The following CCDC148 variants were observed in gnomAD, a reference collection of about 807,000 sequenced individuals.
The protein encoded by CCDC148 is coiled-coil domain containing 148, also known as coiled-coil domain-containing protein 148.
CCDC148 carries 89 observed loss-of-function variants against 85.7 expected under a neutral mutation model. The observed-to-expected ratio is 1.04, with a 90% CI of 0.87 to 1.24. The LOEUF (loss-of-function observed/expected upper bound fraction) is 1.24. Ranked by LOEUF, CCDC148 falls within the 50% of genes most tolerant of loss-of-function variation. The probability of loss-of-function intolerance (pLI) is 0.00; values close to 1 mark genes in which losing one functional copy is unlikely to be tolerated. For missense variants in CCDC148, 692 were observed against 671.7 expected (o/e 1.03, Z -0.33); for synonymous variants, 230 against 213.9 (o/e 1.08, Z -0.66).
chr2:158,240,491 C>CACACACAT (rs1688310889), intron 10 of CCDC148, among the ~76,000 whole-genome samples: 1 of 143,780 alleles, frequency 7.0e-6, no homozygotes, highest in Non-Finnish European at 1.5e-5. Flanking sequence ...CACACACACA[C>CACACACAT]CTCTTTAAAA....
chr2:158,432,965 C>A (rs1687423697), intron 1 of CCDC148, among the ~76,000 whole-genome samples: 1 of 148,234 alleles, frequency 6.7e-6, no homozygotes, highest in African/African-American at 2.5e-5. Context: ...AGGTTGGGTG[C>A]AATGGCTCAC....
At chr2:158,222,470 TTCTC>T (rs369654189) in intron 10 of CCDC148, among the ~76,000 whole-genome samples, 25 of 148,236 alleles carry the variant, frequency 1.7e-4, no homozygotes, top group African/African-American at 4.1e-4. Flanking sequence ...CTCTCTCTCT[TTCTC>T]TCTCTCTCTC....
At chr2:158,225,858 G>T (rs1687486945) in intron 10 of CCDC148, among the ~76,000 whole-genome samples, 1 of 152,164 alleles carries the variant, frequency 6.6e-6, no homozygotes, top group Non-Finnish European at 1.5e-5. Context: ...AAGCAGGAAA[G>T]ATCCAAAATT....
intron 10 of CCDC148, among the ~76,000 whole-genome samples, chr2:158,245,259 A>G (rs1467247555): frequency 2.0e-5 from 3 of 152,170 alleles, no homozygotes; most frequent in Non-Finnish European, 4.4e-5. Flanking sequence ...GGGTATTATG[A>G]GATCCCCTGA....
rs541939111 is a variant in CCDC148, at chr2:158,241,361, G to A, written c.1251+9411C>T. ...TAACTCTTTTTGTTGTGCTTATAAA[G>A]TCTGAAGCTAAAAGATATCCTTCTG... On this transcript the variant is annotated intron_variant, in intron 10 of 13. Transcript: ENST00000283233. Among the ~76,000 whole-genome samples, 4 of 152,108 alleles carry A rather than the reference G, an allele frequency of 2.6e-5. No individual in the cohort carries two copies. In the South Asian group the frequency reaches 8.3e-4, roughly 32 times the overall value.
rs1470409803 is a variant in CCDC148, at chr2:158,171,592, G to C, written c.*521C>G. 1 of 151,832 alleles carries C rather than the reference G, an allele frequency of 6.6e-6. No individual in the cohort carries two copies. The highest frequency in any genetic ancestry group is 2.4e-5 in the African/African-American group (1 of 41,376). The allele number at this position is 151,832 out of a possible 1,614,324, so 9.4% of individuals were successfully genotyped here. A position where few individuals can be genotyped will look rare whatever the true frequency, so the allele number is the denominator to read the frequency against. On this transcript the variant is annotated 3_prime_UTR_variant, in exon 14 of 14. Coordinates refer to ENST00000283233, the MANE Select transcript of CCDC148 (RefSeq NM_138803.4). ...AAGGGCTAATTTGCAAAATGAAATT[G>C]TTTGGATGATTGGTTTGCAGTAAAC...
At chr2:158,449,655 G>A (rs1291959341) in intron 1 of CCDC148, among the ~76,000 whole-genome samples, 1 of 152,070 alleles carries the variant, frequency 6.6e-6, no homozygotes, top group Non-Finnish European at 1.5e-5. Context: ...TGCCATGTTG[G>A]CCAGGCTGGT....
intron 1 of CCDC148, among the ~76,000 whole-genome samples, chr2:158,452,405 A>T (rs1688441097): frequency 6.6e-6 from 1 of 152,238 alleles, no homozygotes; most frequent in Non-Finnish European, 1.5e-5. Flanking sequence ...GAGGCAGACA[A>T]CTTTATAAAT....
intron 1 of CCDC148, among the ~76,000 whole-genome samples, chr2:158,401,547 G>GGA (rs1685783078): frequency 1.3e-5 from 2 of 152,104 alleles, no homozygotes; most frequent in African/African-American, 4.8e-5. Context: ...CTGTTGGGTG[G>GGA]TGGGGGACTG....
At chr2:158,342,420 C>T (rs1398555865) in intron 3 of CCDC148, among the ~76,000 whole-genome samples, 1 of 152,020 alleles carries the variant, frequency 6.6e-6, no homozygotes, top group African/African-American at 2.4e-5. Context: ...GTAGTTTCTG[C>T]CAGAAATATT....
chr2:158,195,622 C>T (rs1386852764), intron 11 of CCDC148, among the ~76,000 whole-genome samples: 1 of 152,156 alleles, frequency 6.6e-6, no homozygotes, highest in Non-Finnish European at 1.5e-5. Flanking sequence ...TCACAGACCA[C>T]TCAGGAAATC....
At chr2:158,304,856 G>A (rs543821535) in intron 9 of CCDC148, among the ~76,000 whole-genome samples, 2 of 152,220 alleles carry the variant, frequency 1.3e-5, no homozygotes, top group African/African-American at 2.4e-5. Context: ...GGGGAGATGA[G>A]GCCACTATGG....
intron 11 of CCDC148, among the ~76,000 whole-genome samples, chr2:158,190,988 G>A (rs1217240554): frequency 2.6e-5 from 4 of 151,906 alleles, no homozygotes; most frequent in African/African-American, 7.2e-5. Flanking sequence ...ATATACCACC[G>A]TGTTATCAAG....
At chr2:158,432,007 G>A (rs1168798539) in intron 1 of CCDC148, among the ~76,000 whole-genome samples, 2 of 151,984 alleles carry the variant, frequency 1.3e-5, no homozygotes, top group African/African-American at 2.4e-5. Context: ...TTTAACAATG[G>A]CAAAGTACAG....
intron 8 of CCDC148, 68 bp from the exon 9 acceptor site, chr2:158,309,707 C>A: frequency 2.7e-6 from 3 of 1,095,430 alleles, no homozygotes; most frequent in South Asian, 1.6e-5. Context: ...ATCATTGTTA[C>A]AAAAATGAAA....
chr2:158,416,994 T>C (rs1285929827), intron 1 of CCDC148, among the ~76,000 whole-genome samples: 1 of 152,142 alleles, frequency 6.6e-6, no homozygotes, highest in Non-Finnish European at 1.5e-5. Context: ...ACATTCTACA[T>C]GGCTGGAGCA....
chr2:158,227,440 G>T (rs1687606866), intron 10 of CCDC148, among the ~76,000 whole-genome samples: 1 of 152,000 alleles, frequency 6.6e-6, no homozygotes, highest in African/African-American at 2.4e-5. Flanking sequence ...TTTCTTCACA[G>T]AATTGGAAAA....
chr2:158,377,543 A>C (rs1168527745), intron 1 of CCDC148, among the ~76,000 whole-genome samples: 6 of 151,954 alleles, frequency 3.9e-5, no homozygotes, highest in Admixed American at 6.6e-5. Context: ...CAGTAAATTA[A>C]CTCTCATACA....
intron 1 of CCDC148, among the ~76,000 whole-genome samples, chr2:158,455,209 T>TA (rs1188892130): frequency 2.6e-5 from 4 of 152,164 alleles, no homozygotes; most frequent in African/African-American, 4.8e-5. Context: ...CCGGAAGAAG[T>TA]AAAAAACAGC....
Sources: gnomAD v4.1 joint callset for allele counts (sites outside exome capture counted in the v4.1 genomes callset) on GRCh38, gnomAD v4.1.1 for gene constraint, MANE v1.5 for transcripts, NCBI Gene and HGNC (gene_info 2026-07-23, HGNC 2026-07-21) for gene names.